Variants in C19orf47 observed in about 807,000 individuals in gnomAD.
C19orf47 encodes the protein uncharacterized protein C19orf47.
Under a neutral mutation model 32.3 loss-of-function variants are expected in C19orf47, and 18 were observed. The ratio of observed to expected loss-of-function variants is 0.56; its 90% CI spans 0.39 to 0.83. The LOEUF (loss-of-function observed/expected upper bound fraction) is 0.83. C19orf47 is among the 40% of genes least tolerant of loss of function. The probability of loss-of-function intolerance (pLI) is 0.00; values close to 1 mark genes in which losing one functional copy is unlikely to be tolerated. For missense variants in C19orf47, 484 were observed against 531.6 expected (o/e 0.91, Z 0.88); for synonymous variants, 202 against 211.1 (o/e 0.96, Z 0.37).
chr19:40,326,757 C>G (rs1010946458), intron 6 of C19orf47, among the ~76,000 whole-genome samples: 3 of 152,230 alleles, frequency 2.0e-5, no homozygotes, highest in South Asian at 2.1e-4. Context: ...CTGGCCCAGC[C>G]CAGCCCACAT....
chr19:40,325,187 T>C (rs983381393), intron 7 of C19orf47, among the ~76,000 whole-genome samples: 1 of 150,450 alleles, frequency 6.6e-6, no homozygotes, highest in African/African-American at 2.5e-5. Flanking sequence ...GGAGAATCAC[T>C]TGAACTCAGG....
chr19:40,308,528 A>G, the C19orf47 span, among the ~76,000 whole-genome samples: 1 of 149,912 alleles, frequency 6.7e-6, no homozygotes, highest in African/African-American at 2.5e-5. Flanking sequence ...CAGTGGCGCA[A>G]TCTTGGCTCA....
rs2077712051 is a variant in C19orf47, at chr19:40,321,268, G to A, written c.*614C>T. The A allele has an allele frequency of 6.1e-6, 6 of 986,856 alleles. No individual in the cohort carries two copies. The highest frequency in any genetic ancestry group is 7.2e-6 in the Non-Finnish European group (6 of 830,288). The allele number at this position is 986,856 out of a possible 1,614,324, so 61.1% of individuals were successfully genotyped here. A position where few individuals can be genotyped will look rare whatever the true frequency, so the allele number is the denominator to read the frequency against. ...TAGAGGGCGGCTAACAGTCTCAACA[G>A]GCTCGACGCCACCGCCGACGAGGGG... On this transcript the variant is annotated 3_prime_UTR_variant, in exon 9 of 9. Coordinates refer to ENST00000683109, the MANE Select transcript of C19orf47 (RefSeq NM_001256441.2).
chr19:40,311,557 T>C, the C19orf47 span, among the ~76,000 whole-genome samples: 53 of 151,460 alleles, frequency 3.5e-4, no homozygotes, highest in Non-Finnish European at 8.8e-5. Flanking sequence ...ATAATAATAA[T>C]AAATAAAAAT....
At position 40,338,781 on chromosome 19, in the gene C19orf47, G is replaced by C. The variant is rs2078120818; in HGVS notation, c.20-2374C>G. Among the ~76,000 whole-genome samples the C allele has an allele frequency of 2.0e-5, 3 of 152,150 alleles. No individual in the cohort carries two copies. In the South Asian group the frequency reaches 6.2e-4, roughly 32 times the overall value. On this transcript the variant is annotated intron_variant, in intron 2 of 8. Coordinates refer to ENST00000683109, the MANE Select transcript of C19orf47 (RefSeq NM_001256441.2). ...GATCCACCTGCCTCGGCCTCCCAAA[G>C]TGCTGGGATTACAGGCATGCACCAT...
chr19:40,314,423 G>A, the C19orf47 span, among the ~76,000 whole-genome samples: 6 of 151,986 alleles, frequency 3.9e-5, no homozygotes, highest in Admixed American at 1.3e-4. Flanking sequence ...ACGAAACTCC[G>A]TCTCAAAAAC....
At chr19:40,295,581 G>A in the C19orf47 span, among the ~76,000 whole-genome samples, 355 of 151,734 alleles carry the variant, frequency 2.3e-3, no homozygotes, top group African/African-American at 7.6e-3. Context: ...CATTACAGGC[G>A]CCCACCACCA....
chr19:40,337,587 T>G (rs1418719529), intron 2 of C19orf47, among the ~76,000 whole-genome samples: 5 of 152,290 alleles, frequency 3.3e-5, no homozygotes. Context: ...TCTTTCTCAG[T>G]ACATCCAATA....
intron 1 of C19orf47, among the ~76,000 whole-genome samples, 163 bp downstream of exon 1, chr19:40,348,161 T>C (rs1397935408): frequency 6.6e-6 from 1 of 152,098 alleles, no homozygotes; most frequent in African/African-American, 2.4e-5. Flanking sequence ...GGTGATACAG[T>C]CGGATTCTAA....
At chr19:40,317,007 TTTG>T (rs545731553), downstream of C19orf47, among the ~76,000 whole-genome samples, 2 of 152,110 alleles carry the variant, frequency 1.3e-5, no homozygotes, top group Non-Finnish European at 2.9e-5. Flanking sequence ...TTGGTTAACA[TTTG>T]TAGTCTCTGA....
At position 40,324,081 on chromosome 19, in the gene C19orf47, G is replaced by A. The variant is rs201580687; in HGVS notation, c.593-5C>T. On this transcript the variant is annotated splice_region_variant and splice_polypyrimidine_tract_variant and intron_variant, in intron 7 of 8. Transcript: ENST00000683109. ...ACACAGACGTCCTATGGAGACCTGG[G>A]AGGGAAGTGAAGCCATCAGGGAGAG... 1.9e-6 allele frequency: 3 copies of A among 1,614,238 alleles called. No individual in the cohort carries two copies. Among genetic ancestry groups the A allele is most frequent in the Non-Finnish European group, 1.7e-6 (2 of 1,180,034 alleles).
Position 40,320,324 on chromosome 19 carries a change from G to C in C19orf47, c.*1558C>G, listed in dbSNP as rs1054665177. 2 of 156,074 alleles carry C rather than the reference G, an allele frequency of 1.3e-5. No individual in the cohort carries two copies. Among genetic ancestry groups the C allele is most frequent in the African/African-American group, 4.8e-5 (2 of 41,432 alleles). The allele number at this position is 156,074 out of a possible 1,614,324, so 9.7% of individuals were successfully genotyped here. A position where few individuals can be genotyped will look rare whatever the true frequency, so the allele number is the denominator to read the frequency against. On this transcript the variant is annotated 3_prime_UTR_variant, in exon 9 of 9. Coordinates refer to ENST00000683109, the MANE Select transcript of C19orf47 (RefSeq NM_001256441.2). Reference sequence around the variant, plus strand: ...AATCCTCCCGATCCAGCACTCCCGGGTCACTGTGCACATTCCTCCTCCTTG... The same window carrying C: ...AATCCTCCCGATCCAGCACTCCCGGCTCACTGTGCACATTCCTCCTCCTTG...
chr19:40,317,486 T>C (rs2077669904), downstream of C19orf47, among the ~76,000 whole-genome samples: 1 of 151,784 alleles, frequency 6.6e-6, no homozygotes, highest in Non-Finnish European at 1.5e-5. Flanking sequence ...AATCTACCCC[T>C]GTGGGTCATG....
chr19:40,331,677 T>A (rs935034863), intron 5 of C19orf47, among the ~76,000 whole-genome samples: 6 of 151,898 alleles, frequency 4.0e-5, no homozygotes, highest in Non-Finnish European at 5.9e-5. Context: ...AAAGCACAGT[T>A]TTGGGCGGCT....
At chr19:40,324,214 G>A in intron 7 of C19orf47, 138 bp from the exon 8 acceptor site, 1 of 809,230 alleles carries the variant, frequency 1.2e-6, no homozygotes, top group East Asian at 2.6e-5. Flanking sequence ...TGGGTGTTAT[G>A]TCTACACTGT....
At position 40,332,585 on chromosome 19, in the gene C19orf47, T is replaced by G. The variant is rs908927270; in HGVS notation, c.301+1266A>C. ...CTGCTTGAACCCGGGAGGCGGAGGTTGCACTGAGCCAAGGTCGCGCCACTG... is the reference window on the plus strand; with the variant it reads ...CTGCTTGAACCCGGGAGGCGGAGGTGGCACTGAGCCAAGGTCGCGCCACTG... On this transcript the variant is annotated intron_variant, in intron 5 of 8. Coordinates refer to ENST00000683109, the MANE Select transcript of C19orf47 (RefSeq NM_001256441.2). The G allele has an allele frequency of 3.3e-5, 5 of 151,426 alleles. No individual in the cohort carries two copies. The East Asian group carries it at 9.7e-4, about 29-fold the overall frequency. The allele number at this position is 151,426 out of a possible 1,614,324, so 9.4% of individuals were successfully genotyped here.
At chr19:40,333,950 C>G (rs764302569) in intron 4 of C19orf47, 21 bp from the exon 5 acceptor site, 7 of 1,539,914 alleles carry the variant, frequency 4.5e-6, no homozygotes, top group South Asian at 1.2e-5. Context: ...AGAACAGGCA[C>G]CTGGGTCACC....
downstream of C19orf47, among the ~76,000 whole-genome samples, chr19:40,315,612 A>G (rs1465107760): frequency 5.9e-5 from 9 of 151,734 alleles, no homozygotes. Context: ...GAAACCCCAT[A>G]TCTACTAAAA....
At chr19:40,319,466 C>T (rs2077686202), downstream of C19orf47, 1 of 153,060 alleles carries the variant, frequency 6.5e-6, no homozygotes, top group African/African-American at 2.4e-5. Flanking sequence ...GTTCTCTAAA[C>T]AGGGAAAGGG....
Sources: gnomAD v4.1 joint callset for allele counts (sites outside exome capture counted in the v4.1 genomes callset) on GRCh38, gnomAD v4.1.1 for gene constraint, MANE v1.5 for transcripts, NCBI Gene and HGNC (gene_info 2026-07-23, HGNC 2026-07-21) for gene names.